TTK: variants seen among roughly 807,000 people sequenced by gnomAD.
The protein encoded by TTK is TTK protein kinase.
A neutral mutation model predicts 117.3 loss-of-function variants in TTK; 59 were observed. The observed-to-expected ratio is 0.50, with a 90% CI of 0.41 to 0.62. TTK has a LOEUF of 0.62. Ranked by LOEUF, TTK falls within the 20% of genes least tolerant of loss-of-function variation. TTK has a pLI of 0.00. For missense variants in TTK, 921 were observed against 989.4 expected (o/e 0.93, Z 0.93); for synonymous variants, 302 against 325.0 (o/e 0.93, Z 0.76).
Position 80,032,877 on chromosome 6 carries a change from T to C in TTK, c.1614+1318T>C, listed in dbSNP as rs545393929. Among the ~76,000 whole-genome samples the C allele has an allele frequency of 3.8e-4, 58 of 152,316 alleles. 1 individual carries two copies. Among genetic ancestry groups the C allele is most frequent in the African/African-American group, 1.3e-3 (55 of 41,582 alleles). Reference sequence around the variant, plus strand: ...ATTGTATATTGACAAATTAGAGTTGTATATTTTTATGGGGTACAAAGTGGT... The same window carrying C: ...ATTGTATATTGACAAATTAGAGTTGCATATTTTTATGGGGTACAAAGTGGT... On this transcript the variant is annotated intron_variant, in intron 14 of 21. Transcript: ENST00000369798.
At chr6:80,033,206 A>G (rs997855846) in intron 14 of TTK, among the ~76,000 whole-genome samples, 3 of 152,180 alleles carry the variant, frequency 2.0e-5, no homozygotes, top group Admixed American at 1.3e-4. Flanking sequence ...GATTTCGCAT[A>G]TAAGTGAGAA....
At chr6:80,019,274 C>CA (rs946963044) in intron 10 of TTK, among the ~76,000 whole-genome samples, 1 of 152,082 alleles carries the variant, frequency 6.6e-6, no homozygotes, top group South Asian at 2.1e-4. Context: ...GCTTGCTACT[C>CA]AGAGGCAAAA....
At chr6:80,018,284 A>G (rs1767364343) in intron 10 of TTK, among the ~76,000 whole-genome samples, 2 of 152,114 alleles carry the variant, frequency 1.3e-5, no homozygotes, top group African/African-American at 4.8e-5. Flanking sequence ...TTTTCCATGC[A>G]TTTTTTGGAT....
chr6:80,008,197 C>T (rs1160624443), intron 3 of TTK, among the ~76,000 whole-genome samples, 166 bp downstream of exon 3: 1 of 152,044 alleles, frequency 6.6e-6, no homozygotes, highest in Non-Finnish European at 1.5e-5. Flanking sequence ...CTTTTCTATG[C>T]ACGTTTCCAC....
chr6:80,026,096 G>C (rs1394310402), intron 11 of TTK, among the ~76,000 whole-genome samples: 1 of 152,154 alleles, frequency 6.6e-6, no homozygotes, highest in Non-Finnish European at 1.5e-5. Context: ...CAATAGCTCT[G>C]ATGGAAGAGA....
At chr6:80,037,599 A>C (rs956794843) in intron 17 of TTK, 1 of 154,108 alleles carries the variant, frequency 6.5e-6, no homozygotes, top group Non-Finnish European at 1.4e-5. Context: ...GTTTATGGCC[A>C]TTAATAGGAT....
In TTK at chr6:80,032,281, TCCG is replaced by T. The variant is rs1767779274; in HGVS notation, c.1614+724_1614+726del. Among the ~76,000 whole-genome samples, 5 of 152,300 alleles carry T rather than the reference TCCG, an allele frequency of 3.3e-5. No homozygotes were observed. In the South Asian group the frequency reaches 1.0e-3, roughly 32 times the overall value. On this transcript the variant is annotated intron_variant, in intron 14 of 21. Coordinates refer to ENST00000369798, the MANE Select transcript of TTK (RefSeq NM_003318.5). ...TTTTTTTTTCGCAGTGAAGCTTTTT[TCCG>T]CACTTGGTTTGTGTTTTTCTCTTCT... is the stretch of plus-strand genomic sequence containing the variant.
At chr6:80,032,761 G>A (rs1366460343) in intron 14 of TTK, among the ~76,000 whole-genome samples, 1 of 152,114 alleles carries the variant, frequency 6.6e-6, no homozygotes, top group Non-Finnish European at 1.5e-5. Flanking sequence ...TTTTGGTCAA[G>A]GCAACTTTTG....
intron 17 of TTK, 79 bp from the exon 18 acceptor site, chr6:80,037,888 T>C: frequency 1.7e-6 from 1 of 602,208 alleles, no homozygotes. Context: ...ATAATAATAA[T>C]AATAATAATC....
intron 2 of TTK, among the ~76,000 whole-genome samples, chr6:80,007,166 C>A (rs1383327848): frequency 6.6e-6 from 1 of 152,004 alleles, no homozygotes; most frequent in Non-Finnish European, 1.5e-5. Flanking sequence ...CTATAAATTC[C>A]AAAGGTCTAG....
Position 80,037,903 on chromosome 6 carries a change from A to C in TTK, c.2050-64A>C, listed in dbSNP as rs142183912. The C allele has an allele frequency of 6.4e-4, 593 of 926,054 alleles. 6 individuals carry two copies. In the African/African-American group the frequency reaches 9.1e-3, roughly 14 times the overall value. The allele number at this position is 926,054 out of a possible 1,614,324, so 57.4% of individuals were successfully genotyped here. On this transcript the variant is annotated intron_variant, in intron 17 of 21. Coordinates refer to ENST00000369798, the MANE Select transcript of TTK (RefSeq NM_003318.5). ...ATAATAATAATAATAATAATCTCAA[A>C]AAAAAATCTAAAGCAGAATTAAATA...
Position 80,031,556 on chromosome 6 carries a change from C to A in TTK, c.1611C>A (p.Ser537Arg). Residue 537 changes from serine (S) to arginine (R), a missense_variant, in exon 14 of 22, where the codon AGC becomes AGA. Physicochemically the swap from Ser to Arg is moderately radical, Grantham distance 110. Coordinates refer to ENST00000369798, the MANE Select transcript of TTK (RefSeq NM_003318.5). ...AGCAGATAGGAAGTGGAGGTTCAAG[C>A]AAGGTAAGTATCTTAAAATATTTAC... Reference protein sequence around the residue: ...ILKQIGSGGSSKVFQVLNEKK... With the variant: ...ILKQIGSGGSRKVFQVLNEKK... 6.6e-7 allele frequency: 1 copy of A among 1,504,534 alleles called. No homozygotes were observed. Among genetic ancestry groups the A allele is most frequent in the South Asian group, 1.4e-5 (1 of 71,496 alleles). The allele number at this position is 1,504,534 out of a possible 1,614,324, so 93.2% of individuals were successfully genotyped here. A position where few individuals can be genotyped will look rare whatever the true frequency, so the allele number is the denominator to read the frequency against.
At chr6:80,017,540 A>G (rs1767340613) in intron 10 of TTK, among the ~76,000 whole-genome samples, 1 of 152,080 alleles carries the variant, frequency 6.6e-6, no homozygotes, top group South Asian at 2.1e-4. Context: ...CAGCTTCCCA[A>G]AGTGCTGGGA....
In TTK at chr6:80,026,472, G is replaced by T. The variant is rs1237625949; in HGVS notation, c.1352G>T (p.Cys451Phe). The T allele has an allele frequency of 6.2e-7, 1 of 1,613,716 alleles. No individual in the cohort carries two copies. The highest frequency in any genetic ancestry group is 1.3e-5 in the African/African-American group (1 of 74,898). ...TSKWFDPKSI[C>F]KTPSSNTLDD... ...AAATGGTTTGACCCAAAATCTATTT[G>T]TAAGACACCAAGCAGCAATACCTTG... Residue 451 changes from cysteine to phenylalanine, a missense_variant, in exon 12 of 22, where the codon TGT (cysteine) becomes TTT (phenylalanine). Cys to Phe is a radical substitution (Grantham distance 205, BLOSUM62 -2). Transcript: ENST00000369798.
At chr6:80,033,571 A>G (rs7765797) in intron 14 of TTK, among the ~76,000 whole-genome samples, 17,053 of 152,234 alleles carry the variant, frequency 0.11, 1,258 homozygotes, top group South Asian at 0.16. Context: ...TAGGGATTGA[A>G]TTTATTAGTT....
intron 4 of TTK, 32 bp downstream of exon 4, chr6:80,008,524 G>A (rs748028451): frequency 6.4e-6 from 10 of 1,569,440 alleles, no homozygotes; most frequent in Non-Finnish European, 8.7e-6. Flanking sequence ...CAAATTTTAA[G>A]TAAAGGATAA....
intron 17 of TTK, among the ~76,000 whole-genome samples, chr6:80,036,939 T>C (rs991947826): frequency 3.9e-5 from 6 of 152,152 alleles, no homozygotes; most frequent in African/African-American, 1.4e-4. Flanking sequence ...GTTGCAGTTA[T>C]ATGTTTTTCA....
intron 8 of TTK, 54 bp from the exon 9 acceptor site, chr6:80,013,225 A>G: frequency 6.9e-7 from 1 of 1,450,012 alleles, no homozygotes. Context: ...AAATACATTG[A>G]AAATTTTTTT....
Position 80,026,394 on chromosome 6 carries a change from T to A in TTK, c.1274T>A (p.Phe425Tyr). The change falls in exon 12 of 22, where the codon TTT becomes TAT. Residue 425 changes from phenylalanine (F) to tyrosine (Y), a missense_variant. By Grantham distance (22) the Phe-to-Tyr change is conservative (BLOSUM62 3). Transcript: ENST00000369798. ...KVNTEQKHTTFEQPVFSVSKQ... is the reference protein window; with the variant it reads ...KVNTEQKHTTYEQPVFSVSKQ... ...TTGTTTTAGCAGAAACATACCACTT[T>A]TGAGCAACCTGTCTTTTCAGTTTCA... 1 of 1,613,180 alleles carries A rather than the reference T, an allele frequency of 6.2e-7. No individual in the cohort carries two copies. Among genetic ancestry groups the A allele is most frequent in the South Asian group, 1.1e-5 (1 of 90,820 alleles).
Sources: allele counts gnomAD v4.1 joint callset (sites outside exome capture counted in the v4.1 genomes callset), GRCh38; gene constraint gnomAD v4.1.1; transcripts MANE v1.5; gene names NCBI Gene and HGNC (gene_info 2026-07-23, HGNC 2026-07-21).